The following CYP2C19 variants were observed in gnomAD, a reference collection of about 807,000 sequenced individuals.
CYP2C19 encodes the protein cytochrome P450 2C19.
A neutral mutation model predicts 40.9 loss-of-function variants in CYP2C19; 59 were observed. That is an observed-to-expected ratio of 1.44 (90% confidence interval 1.17 to 1.79). The LOEUF (loss-of-function observed/expected upper bound fraction) is 1.79. Ranked by LOEUF, CYP2C19 falls within the 40% of genes most tolerant of loss-of-function variation. CYP2C19 has a pLI of 0.00. For synonymous variants in CYP2C19, 253 were observed against 208.7 expected, an observed-to-expected ratio of 1.21 and a Z score of -1.83; for missense variants, 754 against 596.9, an observed-to-expected ratio of 1.26 and a Z score of -2.74.
At chr10:94,774,799 T>C (rs527656081) in intron 1 of CYP2C19, 3 of 466,282 alleles carry the variant, frequency 6.4e-6, no homozygotes, top group Admixed American at 3.7e-5. Context: ...ATAGAGCAAA[T>C]AGACCTGCTG....
chr10:94,800,869 T>C lies in CYP2C19; in HGVS notation c.819+18872T>C, dbSNP rs185323424. ...TCTAGTCTGCCTGTTGCTAAGACCA[T>C]GGGAAAAGCACAGTATTTGAGTGAG... On this transcript the variant is annotated intron_variant, in intron 5 of 8. Coordinates refer to ENST00000371321, the MANE Select transcript of CYP2C19 (RefSeq NM_000769.4). Among the ~76,000 whole-genome samples the C allele has an allele frequency of 1.9e-3, 297 of 152,308 alleles. 1 individual carries two copies. The highest frequency in any genetic ancestry group is 6.8e-3 in the Middle Eastern group (2 of 292).
intron 5 of CYP2C19, among the ~76,000 whole-genome samples, chr10:94,790,058 A>G (rs985806165): frequency 6.6e-6 from 1 of 152,108 alleles, no homozygotes; most frequent in African/African-American, 2.4e-5. Context: ...GAGGTCCTTC[A>G]CATCCTTTGT....
chr10:94,830,182 C>A (rs1296507952), intron 6 of CYP2C19, among the ~76,000 whole-genome samples: 1 of 152,224 alleles, frequency 6.6e-6, no homozygotes, highest in African/African-American at 2.4e-5. Flanking sequence ...GTGGGCTCCA[C>A]CCAGTTCCAG....
intron 1 of CYP2C19, among the ~76,000 whole-genome samples, chr10:94,773,420 A>G (rs1848362988): frequency 6.6e-6 from 1 of 152,204 alleles, no homozygotes. Flanking sequence ...GTGAAGCTGC[A>G]GACCTTCACA....
intron 1 of CYP2C19, among the ~76,000 whole-genome samples, chr10:94,768,312 G>T (rs1425346231): frequency 1.3e-5 from 2 of 152,082 alleles, no homozygotes; most frequent in Admixed American, 6.5e-5. Flanking sequence ...GCCATAACCT[G>T]CCCTTCATAT....
intron 5 of CYP2C19, among the ~76,000 whole-genome samples, chr10:94,793,292 G>A (rs1046623908): frequency 6.6e-6 from 1 of 152,044 alleles, no homozygotes; most frequent in South Asian, 2.1e-4. Context: ...TTTGTGATGG[G>A]TTCAAACATC....
At chr10:94,798,527 T>C (rs564677995) in intron 5 of CYP2C19, among the ~76,000 whole-genome samples, 8 of 152,252 alleles carry the variant, frequency 5.3e-5, no homozygotes, top group African/African-American at 1.9e-4. Context: ...CAGAGCTGAG[T>C]TCAAGATCTG....
At chr10:94,851,735 G>A (rs1196204471) in intron 8 of CYP2C19, among the ~76,000 whole-genome samples, 1 of 152,024 alleles carries the variant, frequency 6.6e-6, no homozygotes, top group Admixed American at 6.6e-5. Context: ...GGGAGAAATG[G>A]CTCCCTTGCA....
At chr10:94,809,061 A>T (rs1848876740) in intron 5 of CYP2C19, among the ~76,000 whole-genome samples, 2 of 152,188 alleles carry the variant, frequency 1.3e-5, no homozygotes, top group Admixed American at 1.3e-4. Flanking sequence ...AAAATATATG[A>T]GGGTTCCTTT....
chr10:94,820,615 G>T lies in CYP2C19; in HGVS notation c.939G>T (p.Leu313=), dbSNP rs759853843. The T allele has an allele frequency of 1.2e-6, 2 of 1,614,166 alleles. No individual in the cohort carries two copies. The highest frequency in any genetic ancestry group is 1.6e-4 in the Middle Eastern group (1 of 6,062). Residue 313 remains leucine (L), a synonymous_variant, in exon 6 of 9, where the codon CTG becomes CTT. Coordinates refer to ENST00000371321, the MANE Select transcript of CYP2C19 (RefSeq NM_000769.4). ...STTLRYALLL[L]LKHPEVTAKV... ...CCCTGAGATATGCTCTCCTTCTCCT[G>T]CTGAAGCACCCAGAGGTCACAGGTA...
At chr10:94,813,628 C>T (rs972526866) in intron 5 of CYP2C19, among the ~76,000 whole-genome samples, 3 of 151,830 alleles carry the variant, frequency 2.0e-5, no homozygotes, top group African/African-American at 4.9e-5. Context: ...AGACTCCCCT[C>T]AACACCCCCC....
chr10:94,763,755 C>T (rs577345260), intron 1 of CYP2C19, among the ~76,000 whole-genome samples: 6 of 151,976 alleles, frequency 3.9e-5, no homozygotes, highest in South Asian at 4.2e-4. Context: ...TTGAAGGCCC[C>T]GTGTTATTAG....
chr10:94,806,892 G>T (rs1413359404), intron 5 of CYP2C19, among the ~76,000 whole-genome samples: 1 of 151,810 alleles, frequency 6.6e-6, no homozygotes, highest in East Asian at 1.9e-4. Context: ...ATTCCCTTGT[G>T]CTTGAAACAT....
intron 6 of CYP2C19, among the ~76,000 whole-genome samples, chr10:94,830,071 G>A (rs956742995): frequency 2.0e-5 from 3 of 152,138 alleles, no homozygotes; most frequent in African/African-American, 4.8e-5. Flanking sequence ...TGTCAGACAG[G>A]GACATTTAAG....
In CYP2C19 at chr10:94,780,653, G is replaced by A. The variant is rs4986893; in HGVS notation, c.636G>A (p.Trp212Ter). 2.9e-3 allele frequency: 4,750 copies of A among 1,613,588 alleles called. 214 individuals are homozygous for A. The East Asian group carries it at 0.089, about 30-fold the overall frequency. Residue 212 changes from tryptophan (W) to a stop codon, truncating the protein, a stop_gained, in exon 4 of 9, where the codon TGG (tryptophan) becomes TGA (stop). Transcript: ENST00000371321. LOFTEE classifies it high-confidence loss of function. ...NENIRIVSTP[W>*]IQICNNFPTI... ...ACATCAGGATTGTAAGCACCCCCTG[G>A]ATCCAGGTAAGGCCAAGTTTTTTGC...
chr10:94,805,536 A>G, intron 5 of CYP2C19, among the ~76,000 whole-genome samples: 1 of 152,210 alleles, frequency 6.6e-6, no homozygotes, highest in Middle Eastern at 3.2e-3. Context: ...CATCACTGCC[A>G]TACATCTACA....
chr10:94,811,335 T>A (rs1380459635), intron 5 of CYP2C19, among the ~76,000 whole-genome samples: 1 of 151,230 alleles, frequency 6.6e-6, no homozygotes, highest in Non-Finnish European at 1.5e-5. Flanking sequence ...TGTGAAGTGG[T>A]GCTGAGAAGA....
chr10:94,851,720 A>C (rs1005726963), intron 8 of CYP2C19, among the ~76,000 whole-genome samples: 1 of 152,128 alleles, frequency 6.6e-6, no homozygotes, highest in Non-Finnish European at 1.5e-5. Flanking sequence ...CAAAAAAAGC[A>C]AAAGGGGAGA....
In CYP2C19 at chr10:94,767,983, G is replaced by A. The variant is rs183108851; in HGVS notation, c.168+5110G>A. Among the ~76,000 whole-genome samples, 498 of 152,202 alleles carry A rather than the reference G, an allele frequency of 3.3e-3. 1 individual carries two copies. The highest frequency in any genetic ancestry group is 0.012 in the African/African-American group (479 of 41,552). On this transcript the variant is annotated intron_variant, in intron 1 of 8. Transcript: ENST00000371321. The stretch of plus-strand genomic sequence containing the variant: ...AGCACCTCCCTGATGGTTTCCTTCT[G>A]CCTTTTCTCCTTCACCTTTCTGATG...
Sources: gnomAD v4.1 joint callset for allele counts (sites outside exome capture counted in the v4.1 genomes callset) on GRCh38, gnomAD v4.1.1 for gene constraint, MANE v1.5 for transcripts, NCBI Gene and HGNC (gene_info 2026-07-23, HGNC 2026-07-21) for gene names.